The following DAAM1 variants were observed in gnomAD, a reference collection of about 807,000 sequenced individuals.
The protein encoded by DAAM1 is disheveled-associated activator of morphogenesis 1.
DAAM1 carries 52 observed loss-of-function variants against 130.0 expected under a neutral mutation model. The observed-to-expected ratio is 0.40, with a 90% CI of 0.32 to 0.50. The LOEUF is 0.50. DAAM1 is among the 20% of genes least tolerant of loss of function. The probability of loss-of-function intolerance (pLI) is 0.61; values close to 1 mark genes in which losing one functional copy is unlikely to be tolerated. For synonymous variants in DAAM1, 452 were observed against 444.5 expected (o/e 1.02, Z -0.21); for missense variants, 1,134 against 1,303.8 (o/e 0.87, Z 2.01).
At chr14:59,203,197 A>G (rs1035495516) in intron 1 of DAAM1, among the ~76,000 whole-genome samples, 2 of 122,664 alleles carry the variant, frequency 1.6e-5, no homozygotes, top group Non-Finnish European at 3.3e-5. Flanking sequence ...TTTAGTAGAG[A>G]TGGGGTTTCA....
chr14:59,303,760 C>T (rs933015854), intron 3 of DAAM1, among the ~76,000 whole-genome samples: 1 of 152,060 alleles, frequency 6.6e-6, no homozygotes, highest in African/African-American at 2.4e-5. Flanking sequence ...ATTAGCTGGG[C>T]ATGGTGGCGT....
chr14:59,201,139 C>T (rs1428063082), intron 1 of DAAM1, among the ~76,000 whole-genome samples: 20 of 123,136 alleles, frequency 1.6e-4, no homozygotes, highest in Non-Finnish European at 2.1e-4. Flanking sequence ...CCAGCCTGGG[C>T]GACAGAGTGA....
intron 1 of DAAM1, among the ~76,000 whole-genome samples, chr14:59,226,833 A>G (rs559541100): frequency 3.4e-4 from 52 of 152,256 alleles, no homozygotes; most frequent in African/African-American, 1.1e-3. Flanking sequence ...GAACCTGGGA[A>G]TGGACTGGGA....
chr14:59,289,784 A>ATATATATATATATACACATATATAT, intron 2 of DAAM1, among the ~76,000 whole-genome samples: 1 of 128,710 alleles, frequency 7.8e-6, no homozygotes, highest in African/African-American at 2.9e-5. Flanking sequence ...ATATATATAT[A>ATATATATATATATACACATATATAT]ATGGAATGCT....
intron 16 of DAAM1, among the ~76,000 whole-genome samples, chr14:59,345,211 G>C (rs190081161): frequency 6.6e-6 from 1 of 152,160 alleles, no homozygotes; most frequent in African/African-American, 2.4e-5. Context: ...TAGCTAAATT[G>C]TTCCATTTAA....
At chr14:59,237,931 T>C (rs967267210) in intron 1 of DAAM1, among the ~76,000 whole-genome samples, 1 of 152,214 alleles carries the variant, frequency 6.6e-6, no homozygotes, top group Non-Finnish European at 1.5e-5. Context: ...TAAATGATAA[T>C]TTTGAAGAGC....
intron 2 of DAAM1, among the ~76,000 whole-genome samples, chr14:59,290,627 C>G (rs951549731): frequency 6.6e-5 from 10 of 152,306 alleles, no homozygotes; most frequent in African/African-American, 2.4e-4. Flanking sequence ...AACCTCCTTA[C>G]TCTGGCATTT....
In DAAM1 at chr14:59,330,704, C is replaced by G. The variant is rs1403823565; in HGVS notation, c.1560+16C>G. The G allele has an allele frequency of 1.9e-6, 3 of 1,593,894 alleles. No individual in the cohort carries two copies. Reference sequence around the variant, plus strand: ...GCTCAGCAGGGTGAGGTCTTCCGCTCAGCTCACGGGCAGCTGCCAAGGCCT... The same window carrying G: ...GCTCAGCAGGGTGAGGTCTTCCGCTGAGCTCACGGGCAGCTGCCAAGGCCT... On this transcript the variant is annotated intron_variant, in intron 13 of 24. Coordinates refer to ENST00000360909, the MANE Select transcript of DAAM1 (RefSeq NM_001270520.2).
intron 4 of DAAM1, among the ~76,000 whole-genome samples, chr14:59,316,274 A>C (rs1217666955): frequency 6.6e-6 from 1 of 152,168 alleles, no homozygotes; most frequent in Non-Finnish European, 1.5e-5. Flanking sequence ...ATGGAGAATA[A>C]ATTTCTTATC....
At chr14:59,309,327 G>A (rs1205001143) in intron 3 of DAAM1, among the ~76,000 whole-genome samples, 1 of 152,210 alleles carries the variant, frequency 6.6e-6, no homozygotes, top group African/African-American at 2.4e-5. Context: ...CACTTCACAG[G>A]CATGGTAGGT....
Position 59,330,508 on chromosome 14 carries a change from T to C in DAAM1, c.1380T>C (p.Asn460=). The C allele has an allele frequency of 6.2e-7, 1 of 1,607,172 alleles. No homozygotes were observed. Among genetic ancestry groups the C allele is most frequent in the South Asian group, 1.1e-5 (1 of 89,688 alleles). ...EQAEKMRKEH[N]ELQQKLEKKE... Reference sequence around the variant, plus strand: ...AATTGTTTTCTCGTGTAGAGCACAATGAGCTACAACAGAAACTGGAAAAGA... The same window carrying C: ...AATTGTTTTCTCGTGTAGAGCACAACGAGCTACAACAGAAACTGGAAAAGA... The change falls in exon 13 of 25, where the codon AAT becomes AAC. Residue 460 remains asparagine, a synonymous_variant. Transcript: ENST00000360909.
intron 1 of DAAM1, among the ~76,000 whole-genome samples, chr14:59,216,481 G>T (rs551083506): frequency 6.6e-6 from 1 of 152,332 alleles, no homozygotes; most frequent in South Asian, 2.1e-4. Flanking sequence ...AGCACTTTGG[G>T]AGGCCGAGGC....
intron 2 of DAAM1, 61 bp from the exon 3 acceptor site, chr14:59,291,156 A>G (rs1883724395): frequency 7.4e-7 from 1 of 1,353,042 alleles, no homozygotes; most frequent in Non-Finnish European, 1.0e-6. Context: ...TGATACTGAT[A>G]ACGTTCTCTA....
At chr14:59,292,815 A>C (rs1160708676) in intron 3 of DAAM1, among the ~76,000 whole-genome samples, 1 of 152,234 alleles carries the variant, frequency 6.6e-6, no homozygotes, top group African/African-American at 2.4e-5. Context: ...TCCAGTAGTA[A>C]CCAGTAAAAT....
intron 1 of DAAM1, among the ~76,000 whole-genome samples, chr14:59,217,069 C>T (rs1888605515): frequency 6.6e-6 from 1 of 152,114 alleles, no homozygotes; most frequent in South Asian, 2.1e-4. Context: ...TTGTGTTTGA[C>T]CTGGTCTTGG....
At chr14:59,363,155 A>G (rs1447920881) in intron 22 of DAAM1, 1 of 158,336 alleles carries the variant, frequency 6.3e-6, no homozygotes, top group Non-Finnish European at 1.4e-5. Flanking sequence ...ATGGTACATT[A>G]TGGTGCCAAA....
Position 59,263,466 on chromosome 14 carries a change from C to T in DAAM1, c.-12C>T, listed in dbSNP as rs765983953. On this transcript the variant is annotated 5_prime_UTR_variant, in exon 2 of 25. Transcript: ENST00000360909. ...CGTTTAGTCACATCAAGAAATAGAA[C>T]AGAATTCAGCCATGGCCCCAAGAAA... The T allele has an allele frequency of 3.1e-6, 5 of 1,614,086 alleles. No individual in the cohort carries two copies. Among genetic ancestry groups the T allele is most frequent in the South Asian group, 2.2e-5 (2 of 91,078 alleles).
chr14:59,336,910 A>G (rs1046970974), intron 15 of DAAM1, among the ~76,000 whole-genome samples: 2 of 152,212 alleles, frequency 1.3e-5, no homozygotes, highest in Non-Finnish European at 1.5e-5. Flanking sequence ...TCTTCACACC[A>G]ATCAGTTGTT....
At chr14:59,202,522 T>G (rs1419202224) in intron 1 of DAAM1, among the ~76,000 whole-genome samples, 1 of 101,354 alleles carries the variant, frequency 9.9e-6, no homozygotes, top group East Asian at 2.7e-4. Flanking sequence ...CATTTGCCAT[T>G]TAAAAAATGT....
Sources: allele counts gnomAD v4.1 joint callset (sites outside exome capture counted in the v4.1 genomes callset), GRCh38; gene constraint gnomAD v4.1.1; transcripts MANE v1.5; gene names NCBI Gene and HGNC (gene_info 2026-07-23, HGNC 2026-07-21).